The following NEUROD1 variants were observed in gnomAD, a reference collection of about 807,000 sequenced individuals.
NEUROD1 encodes the protein neurogenic differentiation factor 1.
A neutral mutation model predicts 21.8 loss-of-function variants in NEUROD1; 9 were observed. That is an observed-to-expected ratio of 0.41 (90% confidence interval 0.25 to 0.72). The LOEUF (loss-of-function observed/expected upper bound fraction) is 0.72. Ranked by LOEUF, NEUROD1 falls within the 30% of genes least tolerant of loss-of-function variation. NEUROD1 has a pLI of 0.31. For missense variants in NEUROD1, 434 were observed against 468.8 expected (o/e 0.93, Z 0.69); for synonymous variants, 199 against 186.2 (o/e 1.07, Z -0.56).
rs996177538 is a variant in NEUROD1, at chr2:181,678,051, A to G, written c.810T>C (p.Asp270=). Residue 270 remains aspartate, a synonymous_variant, in exon 2 of 2, where the codon GAT becomes GAC. Transcript: ENST00000295108. The surrounding 1 kb of genome is among the most constrained non-coding windows in gnomAD (Gnocchi z 5.5). ...TGCTGAGCGGCGGGCTGAGGGGTCC[A>G]TCAAAGGAAGGGCTGGTGCAATCAG... ...PLTDCTSPSF[D]GPLSPPLSIN... is the part of the protein sequence containing the mutation. The G allele has an allele frequency of 1.2e-6, 2 of 1,614,196 alleles. No individual in the cohort carries two copies. The highest frequency in any genetic ancestry group is 3.3e-4 in the Middle Eastern group (2 of 6,062).
Position 181,676,893 on chromosome 2 carries a change from T to C in NEUROD1, c.*897A>G, listed in dbSNP as rs1475041755. On this transcript the variant is annotated 3_prime_UTR_variant, in exon 2 of 2. Transcript: ENST00000295108. The stretch of plus-strand genomic sequence containing the variant: ...AAAGACTAAAAAGTAACAGTGCAAA[T>C]TGTATGTGATAGTCAAGCAGCTTTT... The C allele has an allele frequency of 6.6e-6, 1 of 152,500 alleles. No individual in the cohort carries two copies. Among genetic ancestry groups the C allele is most frequent in the Non-Finnish European group, 1.5e-5 (1 of 67,972 alleles). The allele number at this position is 152,500 out of a possible 1,614,324, so 9.4% of individuals were successfully genotyped here.
chr2:181,678,098 G>T lies in NEUROD1; in HGVS notation c.763C>A (p.Pro255Thr). The T allele has an allele frequency of 1.2e-6, 2 of 1,614,248 alleles. No individual in the cohort carries two copies. The highest frequency in any genetic ancestry group is 1.7e-5 in the Admixed American group (1 of 60,036). ...TCAGTCAGAGGGCTTTCAAAGAAGG[G>T]CTCCAGCGCTGCGCTGTAGGCGTGC... ...PPHAYSAALE[P>T]FFESPLTDCT... Residue 255 changes from proline (P) to threonine (T), a missense_variant, in exon 2 of 2, where the codon CCC (proline) becomes ACC (threonine). Pro to Thr is a conservative substitution (Grantham distance 38). Transcript: ENST00000295108. The surrounding 1 kb of genome is among the most constrained non-coding windows in gnomAD (Gnocchi z 5.5).
chr2:181,669,530 T>A (rs139693366), downstream of NEUROD1, among the ~76,000 whole-genome samples: 937 of 152,296 alleles, frequency 6.2e-3, 7 homozygotes, highest in African/African-American at 0.021. Flanking sequence ...ATAAAAAGGA[T>A]GTTTCTCTAT....
Position 181,678,213 on chromosome 2 carries a change from T to A in NEUROD1, c.648A>T (p.Val216=), listed in dbSNP as rs752113907. The A allele has an allele frequency of 6.2e-7, 1 of 1,613,974 alleles. No homozygotes were observed. The highest frequency in any genetic ancestry group is 8.5e-7 in the Non-Finnish European group (1 of 1,179,982). The change falls in exon 2 of 2, where the codon GTA becomes GTT. Residue 216 remains valine, a synonymous_variant. Transcript: ENST00000295108. The surrounding 1 kb of genome is among the most constrained non-coding windows in gnomAD (Gnocchi z 5.5). ...HLPTASASFP[V]HPYSYQSPGL... is the part of the protein sequence containing the mutation. ...CAGGCGACTGGTAGGAGTAGGGGTG[T>A]ACAGGGAAGGAAGCGCTGGCCGTCG...
intron 1 of NEUROD1, among the ~76,000 whole-genome samples, chr2:181,679,997 CA>C (rs1688668042): frequency 6.6e-6 from 1 of 152,146 alleles, no homozygotes; most frequent in African/African-American, 2.4e-5. Flanking sequence ...ATGTCCCTTT[CA>C]TTCACTGAAA....
exon 2 of NEUROD1, among the ~76,000 whole-genome samples, chr2:181,671,285 C>A (rs879887664): frequency 6.6e-6 from 1 of 152,032 alleles, no homozygotes; most frequent in African/African-American, 2.4e-5. Flanking sequence ...CAAAGAAATT[C>A]TTCTAGTAAA....
rs1245840628 is a variant in NEUROD1 at position 181,678,833 on chromosome 2, G to A, written c.28C>T (p.Leu10=). MTKSYSESG[L]MGEPQPQGPP... ...CCTTGGGGCTGAGGCTCGCCCATCA[G>A]CCCACTCTCGCTGTACGATTTGGTC... The change falls in exon 2 of 2, where the codon CTG becomes TTG. Residue 10 remains leucine (L), a synonymous_variant. Transcript: ENST00000295108. This position sits in a 1 kb window ranked among gnomAD's most constrained non-coding sequence, Gnocchi z 5.5. The A allele has an allele frequency of 1.1e-5, 17 of 1,614,030 alleles. No homozygotes were observed. Among genetic ancestry groups the A allele is most frequent in the Non-Finnish European group, 1.4e-5 (17 of 1,180,034 alleles).
Position 181,678,485 on chromosome 2 carries a change from T to C in NEUROD1, c.376A>G (p.Lys126Glu). ...GTCTTAGAATAGCAAGGCACCACCT[T>C]GCGCAGGTTGTCTAGCGCCGCGTTC... ...GLNAALDNLR[K>E]VVPCYSKTQK... The change falls in exon 2 of 2, where the codon AAG becomes GAG. Residue 126 changes from lysine (K) to glutamate (E), a missense_variant. By Grantham distance (56) the Lys-to-Glu change is moderately conservative (BLOSUM62 1). Coordinates refer to ENST00000295108, the MANE Select transcript of NEUROD1 (RefSeq NM_002500.5). This position sits in a 1 kb window ranked among gnomAD's most constrained non-coding sequence, Gnocchi z 5.5. 6.2e-7 allele frequency: 1 copy of C among 1,614,234 alleles called. No homozygotes were observed. Among genetic ancestry groups the C allele is most frequent in the Non-Finnish European group, 8.5e-7 (1 of 1,180,044 alleles).
chr2:181,669,787 C>T (rs967638142), downstream of NEUROD1, among the ~76,000 whole-genome samples: 4 of 152,014 alleles, frequency 2.6e-5, no homozygotes, highest in African/African-American at 9.7e-5. Context: ...AAGACAGATC[C>T]CCAGATCTAC....
In NEUROD1 at chr2:181,678,212, G is replaced by T. The variant is rs1395798518; in HGVS notation, c.649C>A (p.His217Asn). The T allele has an allele frequency of 6.2e-7, 1 of 1,614,188 alleles. No homozygotes were observed. The highest frequency in any genetic ancestry group is 1.1e-5 in the South Asian group (1 of 91,086). The change falls in exon 2 of 2, where the codon CAC becomes AAC. Residue 217 changes from histidine (H) to asparagine (N), a missense_variant. Physicochemically the swap from His to Asn is moderately conservative, Grantham distance 68. Coordinates refer to ENST00000295108, the MANE Select transcript of NEUROD1 (RefSeq NM_002500.5). The surrounding 1 kb of genome is among the most constrained non-coding windows in gnomAD (Gnocchi z 5.5). The part of the protein sequence containing the change: ...LPTASASFPV[H>N]PYSYQSPGLP... ...CCAGGCGACTGGTAGGAGTAGGGGT[G>T]TACAGGGAAGGAAGCGCTGGCCGTC...
chr2:181,676,627 C>G lies in NEUROD1; in HGVS notation c.*1163G>C, dbSNP rs952676250. 2.0e-5 allele frequency: 3 copies of G among 152,602 alleles called. No individual in the cohort carries two copies. Among genetic ancestry groups the G allele is most frequent in the African/African-American group, 7.2e-5 (3 of 41,452 alleles). 9.5% of individuals were successfully genotyped at this position (152,602 alleles called of 1,614,324 possible). Reference sequence around the variant, plus strand: ...CTTATTCTGGACTGCATTTTACATGCAATAGCTATTGTTCTAATTATGAAT... The same window carrying G: ...CTTATTCTGGACTGCATTTTACATGGAATAGCTATTGTTCTAATTATGAAT... On this transcript the variant is annotated 3_prime_UTR_variant, in exon 2 of 2. Transcript: ENST00000295108.
chr2:181,677,086 G>A lies in NEUROD1; in HGVS notation c.*704C>T, dbSNP rs954829749. 10 of 127,176 alleles carry A rather than the reference G, an allele frequency of 7.9e-5. No individual in the cohort carries two copies. Among genetic ancestry groups the A allele is most frequent in the African/African-American group, 2.6e-4 (9 of 34,380 alleles). 7.9% of individuals were successfully genotyped at this position (127,176 alleles called of 1,614,324 possible). On this transcript the variant is annotated 3_prime_UTR_variant, in exon 2 of 2. Coordinates refer to ENST00000295108, the MANE Select transcript of NEUROD1 (RefSeq NM_002500.5). ...TTTAGGGAGACGGAAAGACTTTAAA[G>A]TGAAATGAATTGCTCAAATTGTGCA...
Position 181,678,994 on chromosome 2 carries a change from C to A in NEUROD1, c.-11-123G>T. ...CAAATGCTTGCGAAAAGTACCTGCCCATTACAAAATGAATGCCTCTGAGAA... is the reference window on the plus strand; with the variant it reads ...CAAATGCTTGCGAAAAGTACCTGCCAATTACAAAATGAATGCCTCTGAGAA... On this transcript the variant is annotated intron_variant, in intron 1 of 1. Transcript: ENST00000295108. This position sits in a 1 kb window ranked among gnomAD's most constrained non-coding sequence, Gnocchi z 5.5. 1 of 1,196,636 alleles carries A rather than the reference C, an allele frequency of 8.4e-7. No homozygotes were observed. Among genetic ancestry groups the A allele is most frequent in the Non-Finnish European group, 1.2e-6 (1 of 851,868 alleles). 74.1% of individuals were successfully genotyped at this position (1,196,636 alleles called of 1,614,324 possible).
At position 181,678,030 on chromosome 2, in the gene NEUROD1, G is replaced by A. The variant is rs901859605; in HGVS notation, c.831C>T (p.Leu277=). 6 of 1,614,204 alleles carry A rather than the reference G, an allele frequency of 3.7e-6. No individual in the cohort carries two copies. The highest frequency in any genetic ancestry group is 5.1e-6 in the Non-Finnish European group (6 of 1,180,034). Residue 277 remains leucine (L), a synonymous_variant, in exon 2 of 2, where the codon CTC becomes CTT. Transcript: ENST00000295108. This position sits in a 1 kb window ranked among gnomAD's most constrained non-coding sequence, Gnocchi z 5.5. ...PSFDGPLSPP[L]SINGNFSFKH... ...TGAAAGAGAAGTTGCCATTGATGCT[G>A]AGCGGCGGGCTGAGGGGTCCATCAA...
downstream of NEUROD1, among the ~76,000 whole-genome samples, chr2:181,669,195 C>G (rs1269275060): frequency 1.3e-5 from 2 of 152,106 alleles, no homozygotes; most frequent in Non-Finnish European, 2.9e-5. Flanking sequence ...ATCAAAGCCT[C>G]TCTTGTATCA....
intron 1 of NEUROD1, among the ~76,000 whole-genome samples, chr2:181,679,660 T>C (rs1688662466): frequency 6.6e-6 from 1 of 152,214 alleles, no homozygotes; most frequent in Non-Finnish European, 1.5e-5. Flanking sequence ...AAGGCTCCTC[T>C]CTAATAAACA....
chr2:181,670,356 G>C (rs1173804475), exon 2 of NEUROD1, among the ~76,000 whole-genome samples: 1 of 152,122 alleles, frequency 6.6e-6, no homozygotes, highest in Non-Finnish European at 1.5e-5. Flanking sequence ...TTATTAAACA[G>C]CTGTTTTTTG....
chr2:181,679,122 A>G (rs1027279470), intron 1 of NEUROD1, among the ~76,000 whole-genome samples: 1 of 152,178 alleles, frequency 6.6e-6, no homozygotes, highest in Non-Finnish European at 1.5e-5. Context: ...ATATGTGTAC[A>G]CCACTCACGC....
chr2:181,670,521 TA>T (rs1559133174), exon 2 of NEUROD1, among the ~76,000 whole-genome samples: 1 of 152,154 alleles, frequency 6.6e-6, no homozygotes, highest in African/African-American at 2.4e-5. Context: ...GATTTTAGTA[TA>T]CCTATCAGTT....
Sources: allele counts gnomAD v4.1 joint callset (sites outside exome capture counted in the v4.1 genomes callset), GRCh38; gene constraint gnomAD v4.1.1; non-coding constraint Gnocchi (gnomAD v3.1); transcripts MANE v1.5; gene names NCBI Gene and HGNC (gene_info 2026-07-23, HGNC 2026-07-21).